The following COL7A1 variants were observed in gnomAD, a reference collection of about 807,000 sequenced individuals.
The protein encoded by COL7A1 is collagen alpha-1(VII) chain.
A neutral mutation model predicts 456.2 loss-of-function variants in COL7A1; 296 were observed. The ratio of observed to expected loss-of-function variants is 0.65; its 90% CI spans 0.59 to 0.71. The LOEUF (loss-of-function observed/expected upper bound fraction) is 0.71, where lower values mean the gene tolerates loss of function less well. COL7A1 is among the 30% of genes least tolerant of loss of function. The pLI is 0.00. For synonymous variants in COL7A1, 1,464 were observed against 1,525.9 expected (o/e 0.96, Z 0.95); for missense variants, 3,441 against 4,017.2 (o/e 0.86, Z 3.88).
rs1271545730 is a variant in COL7A1, at chr3:48,573,710, G to A, written c.6553C>T (p.Pro2185Ser). The A allele has an allele frequency of 6.2e-7, 1 of 1,613,290 alleles. No individual in the cohort carries two copies. Among genetic ancestry groups the A allele is most frequent in the South Asian group, 1.1e-5 (1 of 90,958 alleles). The part of the protein sequence containing the change: ...PPGPVGGHGD[P>S]GPPGAPGLAG... Reference sequence around the variant, plus strand: ...CTCACCGGGGCACCAGGTGGTCCAGGGTCTCCATGACCACCCTGTTGTGGC... The same window carrying A: ...CTCACCGGGGCACCAGGTGGTCCAGAGTCTCCATGACCACCCTGTTGTGGC... The change falls in exon 82 of 119, where the codon CCT (proline) becomes TCT (serine). Residue 2185 changes from proline to serine, a missense_variant. Physicochemically the swap from Pro to Ser is moderately conservative, Grantham distance 74 (BLOSUM62 -1). Coordinates refer to ENST00000681320, the MANE Select transcript of COL7A1 (RefSeq NM_000094.4). This position sits in a 1 kb window ranked among gnomAD's most constrained non-coding sequence, Gnocchi z 5.5.
In COL7A1 at chr3:48,567,385, C is replaced by T; in HGVS notation, c.8046+189G>A. ...GCCCTGATGCACATGCCCCCTCCAC[C>T]TCCCATGCTTTCATCCTAACTCCAC... On this transcript the variant is annotated intron_variant, in intron 109 of 118. Transcript: ENST00000681320. This position sits in a 1 kb window ranked among gnomAD's most constrained non-coding sequence, Gnocchi z 4.3. 1.0e-6 allele frequency: 1 copy of T among 953,400 alleles called. No individual in the cohort carries two copies. The highest frequency in any genetic ancestry group is 1.6e-6 in the Non-Finnish European group (1 of 614,742). The allele number at this position is 953,400 out of a possible 1,614,324, so 59.1% of individuals were successfully genotyped here.
Position 48,573,299 on chromosome 3 carries a change from T to C in COL7A1, c.6651+17A>G. On this transcript the variant is annotated intron_variant, in intron 84 of 118. Coordinates refer to ENST00000681320, the MANE Select transcript of COL7A1 (RefSeq NM_000094.4). The surrounding 1 kb of genome is among the most constrained non-coding windows in gnomAD (Gnocchi z 5.5). ...CCCATCTCCCTATGACCCTAACCTG[T>C]GAGCTAGGCCACTCACCCGTCCTGG... 1 of 1,613,964 alleles carries C rather than the reference T, an allele frequency of 6.2e-7. No individual in the cohort carries two copies. Among genetic ancestry groups the C allele is most frequent in the Non-Finnish European group, 8.5e-7 (1 of 1,180,006 alleles).
At position 48,572,220 on chromosome 3, in the gene COL7A1, G is replaced by A; in HGVS notation, c.6979-49C>T. The stretch of plus-strand genomic sequence containing the variant: ...ACACAGGCATCAGTCACAGAAAGAT[G>A]AGACTCCGGAGGGAGGCATGGGGCC... On this transcript the variant is annotated intron_variant, in intron 90 of 118. Coordinates refer to ENST00000681320, the MANE Select transcript of COL7A1 (RefSeq NM_000094.4). This position sits in a 1 kb window ranked among gnomAD's most constrained non-coding sequence, Gnocchi z 4.6. 1.9e-6 allele frequency: 3 copies of A among 1,613,788 alleles called. No individual in the cohort carries two copies. The highest frequency in any genetic ancestry group is 2.2e-5 in the South Asian group (2 of 91,072).
In COL7A1 at chr3:48,587,249, GAGA is replaced by G. The variant is rs2045337569; in HGVS notation, c.3077_3079del (p.Phe1026del). 4 of 1,613,252 alleles carry G rather than the reference GAGA, an allele frequency of 2.5e-6. No individual in the cohort carries two copies. Among genetic ancestry groups the G allele is most frequent in the Non-Finnish European group, 3.4e-6 (4 of 1,179,702 alleles). ...CACACCATCCAGGACAGGCGTCAGG[GAGA>G]AGATGTAAGAGACGCCAGGCTCTAG... On this transcript the variant is annotated inframe_deletion, in exon 24 of 119. Coordinates refer to ENST00000681320, the MANE Select transcript of COL7A1 (RefSeq NM_000094.4). The surrounding 1 kb of genome is among the most constrained non-coding windows in gnomAD (Gnocchi z 6.1).
chr3:48,588,579 A>AGCCC lies in COL7A1; in HGVS notation c.2587+59_2587+62dup. ...GGTCCTTTCTCCAATCCAGAGCACA[A>AGCCC]GCCCGGATCCCCAAACCATCCACAC... On this transcript the variant is annotated intron_variant, in intron 20 of 118. Transcript: ENST00000681320. This position sits in a 1 kb window ranked among gnomAD's most constrained non-coding sequence, Gnocchi z 4.6. The AGCCC allele has an allele frequency of 6.2e-7, 1 of 1,612,852 alleles. No individual in the cohort carries two copies. The highest frequency in any genetic ancestry group is 2.2e-5 in the East Asian group (1 of 44,892).
rs1445443435 is a variant in COL7A1, at chr3:48,588,542, A to G, written c.2587+100T>C. The G allele has an allele frequency of 1.2e-6, 2 of 1,608,400 alleles. No homozygotes were observed. Among genetic ancestry groups the G allele is most frequent in the African/African-American group, 2.7e-5 (2 of 74,938 alleles). ...TCTCAGACCCTGCCCCCAAAGGCTC[A>G]CTACCAATCCTGGTCCTTTCTCCAA... is the stretch of plus-strand genomic sequence containing the variant. On this transcript the variant is annotated intron_variant, in intron 20 of 118. Transcript: ENST00000681320. This position sits in a 1 kb window ranked among gnomAD's most constrained non-coding sequence, Gnocchi z 4.6.
At chr3:48,576,642 G>A in intron 68 of COL7A1, 34 bp downstream of exon 68, 2 of 1,593,544 alleles carry the variant, frequency 1.3e-6, no homozygotes, top group Non-Finnish European at 1.7e-6. Flanking sequence ...GGCTTCTAAT[G>A]CTCTGAAGTC....
In COL7A1 at chr3:48,574,263, G is replaced by A. The variant is rs200473808; in HGVS notation, c.6500C>T (p.Pro2167Leu). The change falls in exon 80 of 119, where the codon CCG becomes CTG. Residue 2167 changes from proline to leucine, a missense_variant and splice_region_variant. Physicochemically the swap from Pro to Leu is moderately conservative, Grantham distance 98 (BLOSUM62 -3). Transcript: ENST00000681320. The surrounding 1 kb of genome is among the most constrained non-coding windows in gnomAD (Gnocchi z 5.0). ...CCAGGTGCTTCAGCCACCACTCACC[G>A]GCTTCCCTTCAGGCCCAGCCATACC... is the stretch of plus-strand genomic sequence containing the variant. Reference protein sequence around the residue: ...ERGMAGPEGKPGLQGPRGPPG... With the variant: ...ERGMAGPEGKLGLQGPRGPPG... 362 of 1,613,946 alleles carry A rather than the reference G, an allele frequency of 2.2e-4. 1 individual carries two copies. The Admixed American group carries it at 5.6e-3, about 25-fold the overall frequency.
rs1370970575 is a variant in COL7A1 at position 48,592,951 on chromosome 3, G to GAT, written c.683-15_683-14dup. 6.2e-7 allele frequency: 1 copy of GAT among 1,613,450 alleles called. No individual in the cohort carries two copies. Among genetic ancestry groups the GAT allele is most frequent in the South Asian group, 1.1e-5 (1 of 91,042 alleles). On this transcript the variant is annotated splice_polypyrimidine_tract_variant and intron_variant, in intron 6 of 118. Coordinates refer to ENST00000681320, the MANE Select transcript of COL7A1 (RefSeq NM_000094.4). This position sits in a 1 kb window ranked among gnomAD's most constrained non-coding sequence, Gnocchi z 7.6. ...GTCGAGTCATCCGCTGGGAATGCGGGATCAGGGGATCAGGCAGGAGGATTG... is the reference window on the plus strand; with the variant it reads ...GTCGAGTCATCCGCTGGGAATGCGGGATATCAGGGGATCAGGCAGGAGGATTG...
At position 48,594,985 on chromosome 3, in the gene COL7A1, T is replaced by C; in HGVS notation, c.85+90A>G. The stretch of plus-strand genomic sequence containing the variant: ...GGGCGTCGTGGAGTTGGCTGGGTTG[T>C]GGGCGGGGGGTGTTGGGGATGAAGG... On this transcript the variant is annotated intron_variant, in intron 2 of 118. Coordinates refer to ENST00000681320, the MANE Select transcript of COL7A1 (RefSeq NM_000094.4). The surrounding 1 kb of genome is among the most constrained non-coding windows in gnomAD (Gnocchi z 5.5). 1 of 1,081,578 alleles carries C rather than the reference T, an allele frequency of 9.2e-7. No homozygotes were observed. The highest frequency in any genetic ancestry group is 1.4e-6 in the Non-Finnish European group (1 of 738,566). The allele number at this position is 1,081,578 out of a possible 1,614,324, so 67.0% of individuals were successfully genotyped here.
At position 48,580,731 on chromosome 3, in the gene COL7A1, T is replaced by C. The variant is rs1215318494; in HGVS notation, c.4981-79A>G. 3 of 1,574,732 alleles carry C rather than the reference T, an allele frequency of 1.9e-6. No individual in the cohort carries two copies. The highest frequency in any genetic ancestry group is 2.7e-5 in the African/African-American group (2 of 73,786). On this transcript the variant is annotated intron_variant, in intron 54 of 118. Transcript: ENST00000681320. This position sits in a 1 kb window ranked among gnomAD's most constrained non-coding sequence, Gnocchi z 4.5. ...CTATGACCCGCTACACTGCCCCAGG[T>C]TCCCCATTACTCCAAAATCCACATC... is the stretch of plus-strand genomic sequence containing the variant.
rs773990981 is a variant in COL7A1, at chr3:48,587,482, G to A, written c.2930C>T (p.Thr977Ile). 10 of 1,613,334 alleles carry A rather than the reference G, an allele frequency of 6.2e-6. No individual in the cohort carries two copies. Among genetic ancestry groups the A allele is most frequent in the Non-Finnish European group, 7.6e-6 (9 of 1,180,036 alleles). Residue 977 changes from threonine (T) to isoleucine (I), a missense_variant, in exon 23 of 119, where the codon ACT becomes ATT. This residue lies in a region of COL7A1 where 444 missense variants were observed against 427.6 expected (regional missense o/e 1.04). Coordinates refer to ENST00000681320, the MANE Select transcript of COL7A1 (RefSeq NM_000094.4). The surrounding 1 kb of genome is among the most constrained non-coding windows in gnomAD (Gnocchi z 6.1). ...TSIDSVTLAW[T>I]PVSRASSYIL... ...GTAGCTGGATGCCCTGGACACTGGA[G>A]TCCAGGCCAAAGTCACCGAGTCGAT...
In COL7A1 at chr3:48,592,017, G is replaced by A. The variant is rs1418541064; in HGVS notation, c.1241-3C>T. ...CAGGGTCTGCTCAACAGAAGCGTCT[G>A]CCCAGGGCACATGGGATGTCAGTGG... On this transcript the variant is annotated splice_region_variant and splice_polypyrimidine_tract_variant and intron_variant, in intron 10 of 118. Transcript: ENST00000681320. The surrounding 1 kb of genome is among the most constrained non-coding windows in gnomAD (Gnocchi z 7.6). 5.0e-6 allele frequency: 8 copies of A among 1,614,072 alleles called. No individual in the cohort carries two copies. Among genetic ancestry groups the A allele is most frequent in the Non-Finnish European group, 6.8e-6 (8 of 1,180,040 alleles).
At position 48,575,156 on chromosome 3, in the gene COL7A1, C is replaced by T. The variant is rs1347027505; in HGVS notation, c.6217-30G>A. 7 of 1,613,858 alleles carry T rather than the reference C, an allele frequency of 4.3e-6. No homozygotes were observed. The East Asian group carries it at 1.1e-4, about 26-fold the overall frequency. On this transcript the variant is annotated intron_variant, in intron 75 of 118. Transcript: ENST00000681320. The surrounding 1 kb of genome is among the most constrained non-coding windows in gnomAD (Gnocchi z 6.3). ...AGGAAACAAGAAAATGGGGTGGCAG[C>T]CCCAGCACAGCCTCCAGACAGCCTG...
chr3:48,565,353 C>A lies in COL7A1; in HGVS notation c.8527+57G>T. ...GGCGTGTGCCCTGCATTCATGGACA[C>A]CCATGTGCGTGTCTCGGCCCCACCC... On this transcript the variant is annotated intron_variant, in intron 116 of 118. Transcript: ENST00000681320. This position sits in a 1 kb window ranked among gnomAD's most constrained non-coding sequence, Gnocchi z 4.5. The A allele has an allele frequency of 1.3e-6, 2 of 1,553,832 alleles. No homozygotes were observed. Among genetic ancestry groups the A allele is most frequent in the Non-Finnish European group, 1.7e-6 (2 of 1,143,210 alleles).
Position 48,579,241 on chromosome 3 carries a change from C to G in COL7A1, c.5344G>C (p.Gly1782Arg), listed in dbSNP as rs374718902. Residue 1782 changes from glycine to arginine, a missense_variant, in exon 62 of 119, where the codon GGA (glycine) becomes CGA (arginine). Transcript: ENST00000681320. This position sits in a 1 kb window ranked among gnomAD's most constrained non-coding sequence, Gnocchi z 4.4. ...GCGGCTCCTGGTTTCCCATCCAGTC[C>G]GCTCCGGCCATCCAGCCCAGGGGGA... ...RGPPGLDGRS[G>R]LDGKPGAAGP... 6.2e-7 allele frequency: 1 copy of G among 1,613,762 alleles called. No individual in the cohort carries two copies.
At position 48,583,935 on chromosome 3, in the gene COL7A1, C is replaced by T. The variant is rs765935011; in HGVS notation, c.4243G>A (p.Glu1415Lys). 2 of 1,613,952 alleles carry T rather than the reference C, an allele frequency of 1.2e-6. No individual in the cohort carries two copies. The highest frequency in any genetic ancestry group is 1.7e-6 in the Non-Finnish European group (2 of 1,180,026). The change falls in exon 39 of 119, where the codon GAA becomes AAA. Residue 1415 changes from glutamate to lysine, a missense_variant. By Grantham distance (56) the Glu-to-Lys change is moderately conservative. This residue lies in a region of COL7A1 where 2,084 missense variants were observed against 2,501.3 expected (regional missense o/e 0.83). Coordinates refer to ENST00000681320, the MANE Select transcript of COL7A1 (RefSeq NM_000094.4). This position sits in a 1 kb window ranked among gnomAD's most constrained non-coding sequence, Gnocchi z 5.1. Reference sequence around the variant, plus strand: ...GGCTCCCCAGGAGCAATGCCACCTTCACCTGGTCCAGGGGGACCCTGGGAG... The same window carrying T: ...GGCTCCCCAGGAGCAATGCCACCTTTACCTGGTCCAGGGGGACCCTGGGAG... ...RGERGPPGPGEGGIAPGEPGL... is the reference protein window; with the variant it reads ...RGERGPPGPGKGGIAPGEPGL...
rs2043898007 is a variant in COL7A1 at position 48,571,224 on chromosome 3, C to T, written c.7104+19G>A. On this transcript the variant is annotated intron_variant, in intron 93 of 118. Coordinates refer to ENST00000681320, the MANE Select transcript of COL7A1 (RefSeq NM_000094.4). This position sits in a 1 kb window ranked among gnomAD's most constrained non-coding sequence, Gnocchi z 4.6. ...CTCACGACCAGGACCCCAGCAGGGA[C>T]CCTTCTGGGTACACATACCTTGAAA... 1 of 1,614,150 alleles carries T rather than the reference C, an allele frequency of 6.2e-7. No homozygotes were observed.
At position 48,564,934 on chromosome 3, in the gene COL7A1, G is replaced by C. The variant is rs2107625597; in HGVS notation, c.8667C>G (p.Thr2889=). The C allele has an allele frequency of 6.2e-7, 1 of 1,614,182 alleles. No homozygotes were observed. The highest frequency in any genetic ancestry group is 1.7e-5 in the Admixed American group (1 of 60,028). ...PLDEGSCTAY[T]LRWYHRAVTG... ...TCACAGCCCGATGGTACCAGCGCAG[G>C]GTGTAGGCAGTGCAGGAGCCCTCAT... Residue 2889 remains threonine, a synonymous_variant, in exon 118 of 119, where the codon ACC becomes ACG. Coordinates refer to ENST00000681320, the MANE Select transcript of COL7A1 (RefSeq NM_000094.4). The surrounding 1 kb of genome is among the most constrained non-coding windows in gnomAD (Gnocchi z 6.0).
Sources: gnomAD v4.1 joint callset for allele counts on GRCh38, gnomAD v4.1.1 for gene constraint, gnomAD v4.1.1 regional missense constraint, Gnocchi (gnomAD v3.1) non-coding constraint, MANE v1.5 for transcripts, NCBI Gene and HGNC (gene_info 2026-07-23, HGNC 2026-07-21) for gene names.